EEFSEC: variants seen among roughly 807,000 people sequenced by gnomAD.
The protein encoded by EEFSEC is selenocysteine-specific elongation factor.
In EEFSEC, 43 loss-of-function variants were observed where a neutral mutation model predicts 42.1. The observed-to-expected ratio is 1.02, with a 90% CI of 0.80 to 1.32. EEFSEC has a LOEUF of 1.32. Among genes scored for constraint, EEFSEC ranks in the 40% most tolerant of loss-of-function variants. The pLI is 0.00. For synonymous variants in EEFSEC, 354 were observed against 339.1 expected (o/e 1.04, Z -0.48); for missense variants, 745 against 803.6 (o/e 0.93, Z 0.88).
chr3:128,339,358 C>T (rs72977323), intron 4 of EEFSEC, among the ~76,000 whole-genome samples: 133 of 152,278 alleles, frequency 8.7e-4, no homozygotes, highest in African/African-American at 3.1e-3. Context: ...CACCCTGACT[C>T]GGTAGACAGG....
intron 6 of EEFSEC, among the ~76,000 whole-genome samples, chr3:128,399,991 G>A (rs1246814874): frequency 1.3e-5 from 2 of 152,060 alleles, no homozygotes; most frequent in Non-Finnish European, 2.9e-5. Flanking sequence ...GATAGATGGG[G>A]GTGTTGATGT....
intron 2 of EEFSEC, among the ~76,000 whole-genome samples, chr3:128,252,540 G>A (rs35735282): frequency 0.016 from 2,452 of 152,290 alleles, 33 homozygotes; most frequent in Admixed American, 0.028. Context: ...GAATCAGTCG[G>A]ATCCTTACAG....
chr3:128,325,358 G>A (rs576540001), intron 4 of EEFSEC, among the ~76,000 whole-genome samples: 26 of 152,356 alleles, frequency 1.7e-4, no homozygotes, highest in African/African-American at 6.3e-4. Context: ...CTTCAGTCAG[G>A]CCTTGCTGGG....
At chr3:128,397,570 C>T (rs1346423047) in intron 6 of EEFSEC, among the ~76,000 whole-genome samples, 2 of 152,246 alleles carry the variant, frequency 1.3e-5, no homozygotes, top group East Asian at 1.9e-4. Flanking sequence ...CAGAGCCTAG[C>T]TTGCCCAGGG....
intron 1 of EEFSEC, among the ~76,000 whole-genome samples, chr3:128,158,252 C>A (rs749394792): frequency 3.3e-5 from 5 of 152,154 alleles, no homozygotes; most frequent in East Asian, 1.9e-4. Flanking sequence ...TGAGATGGAA[C>A]CTACTCCTGG....
chr3:128,223,908 A>G (rs552513231), intron 1 of EEFSEC, among the ~76,000 whole-genome samples: 1 of 152,106 alleles, frequency 6.6e-6, no homozygotes, highest in African/African-American at 2.4e-5. Context: ...TGAAAACCTC[A>G]TTGTTTAAAT....
At chr3:128,361,338 C>G (rs2067523212) in intron 6 of EEFSEC, among the ~76,000 whole-genome samples, 1 of 152,124 alleles carries the variant, frequency 6.6e-6, no homozygotes, top group South Asian at 2.1e-4. Context: ...TGGGTCCTGC[C>G]AACTCTTCAC....
chr3:128,164,864 A>C (rs1559850162), intron 1 of EEFSEC, among the ~76,000 whole-genome samples: 1 of 152,086 alleles, frequency 6.6e-6, no homozygotes, highest in African/African-American at 2.4e-5. Context: ...TGAGGAGAGG[A>C]CTGTGACAAG....
At chr3:128,322,858 C>T (rs919153536) in intron 4 of EEFSEC, among the ~76,000 whole-genome samples, 1 of 152,168 alleles carries the variant, frequency 6.6e-6, no homozygotes, top group African/African-American at 2.4e-5. Flanking sequence ...CCCTGCTGGT[C>T]CTCTGGTCTT....
intron 4 of EEFSEC, among the ~76,000 whole-genome samples, chr3:128,299,060 T>C (rs570566422): frequency 6.6e-6 from 1 of 152,330 alleles, no homozygotes; most frequent in East Asian, 1.9e-4. Flanking sequence ...GATATACTGA[T>C]TTCCTTTCTT....
intron 4 of EEFSEC, among the ~76,000 whole-genome samples, chr3:128,281,314 G>T (rs2066523429): frequency 6.6e-6 from 1 of 152,224 alleles, no homozygotes; most frequent in South Asian, 2.1e-4. Flanking sequence ...TCTGCATGCA[G>T]CTGCTCTGGG....
chr3:128,395,000 G>A (rs1040103926), intron 6 of EEFSEC, among the ~76,000 whole-genome samples: 5 of 152,218 alleles, frequency 3.3e-5, no homozygotes, highest in African/African-American at 1.2e-4. Flanking sequence ...CACTCTGTGT[G>A]CCAGGACTTC....
At chr3:128,405,611 C>G (rs1314024220) in intron 6 of EEFSEC, among the ~76,000 whole-genome samples, 2 of 152,252 alleles carry the variant, frequency 1.3e-5, no homozygotes, top group East Asian at 1.9e-4. Flanking sequence ...CCAGCCAGCG[C>G]TCCCAGTCTG....
chr3:128,246,747 C>A, intron 1 of EEFSEC, 89 bp from the exon 2 acceptor site: 1 of 1,373,822 alleles, frequency 7.3e-7, no homozygotes, highest in Non-Finnish European at 1.0e-6. Flanking sequence ...CTCACTTTTA[C>A]TGCAGTGCTT....
At chr3:128,295,082 G>A (rs2066688530) in intron 4 of EEFSEC, among the ~76,000 whole-genome samples, 1 of 152,204 alleles carries the variant, frequency 6.6e-6, no homozygotes. Flanking sequence ...AATGTGCTCA[G>A]TTGAGGGGAA....
chr3:128,325,769 T>A (rs1298782829), intron 4 of EEFSEC, among the ~76,000 whole-genome samples: 2 of 152,210 alleles, frequency 1.3e-5, no homozygotes, highest in Non-Finnish European at 2.9e-5. Flanking sequence ...ATACCTTGAT[T>A]ATTGGTTCAG....
At chr3:128,176,479 G>A (rs1207278596) in intron 1 of EEFSEC, among the ~76,000 whole-genome samples, 1 of 152,154 alleles carries the variant, frequency 6.6e-6, no homozygotes, top group African/African-American at 2.4e-5. Context: ...TGTCTGCCGG[G>A]AGAGACCAGT....
At chr3:128,229,895 T>C (rs1230060151) in intron 1 of EEFSEC, among the ~76,000 whole-genome samples, 3 of 152,200 alleles carry the variant, frequency 2.0e-5, no homozygotes, top group African/African-American at 7.2e-5. Flanking sequence ...TCTCACACCT[T>C]GACTTATGCC....
At chr3:128,421,577 T>C in the EEFSEC span, among the ~76,000 whole-genome samples, 1 of 152,196 alleles carries the variant, frequency 6.6e-6, no homozygotes, top group African/African-American at 2.4e-5. Flanking sequence ...TGTGAACACC[T>C]GGAGCTGCCC....
Sources: allele counts gnomAD v4.1 joint callset (sites outside exome capture counted in the v4.1 genomes callset), GRCh38; gene constraint gnomAD v4.1.1; transcripts MANE v1.5; gene names NCBI Gene and HGNC (gene_info 2026-07-23, HGNC 2026-07-21).